Variants in GPC6 observed in about 807,000 individuals in gnomAD.
GPC6 encodes the protein glypican-6.
In GPC6, 14 loss-of-function variants were observed where a neutral mutation model predicts 55.2. That is an observed-to-expected ratio of 0.25 (90% CI 0.17 to 0.40). The LOEUF (loss-of-function observed/expected upper bound fraction) is 0.40. GPC6 is among the 10% of genes least tolerant of loss of function. The pLI is 1.00. For synonymous variants in GPC6, 278 were observed against 259.6 expected (o/e 1.07, Z -0.68); for missense variants, 641 against 708.5 (o/e 0.90, Z 1.08).
At chr13:93,627,860 AT>A (rs1879268968) in intron 2 of GPC6, among the ~76,000 whole-genome samples, 1 of 152,244 alleles carries the variant, frequency 6.6e-6, no homozygotes, top group African/African-American at 2.4e-5. Flanking sequence ...AGTGACTATC[AT>A]TATGAAGAAA....
intron 2 of GPC6, among the ~76,000 whole-genome samples, chr13:93,576,174 G>A (rs953968529): frequency 2.0e-5 from 3 of 151,532 alleles, no homozygotes; most frequent in African/African-American, 7.3e-5. Flanking sequence ...TATAGTGAGA[G>A]AAAAGATTTA....
chr13:94,018,259 A>G (rs1882556109), intron 3 of GPC6, among the ~76,000 whole-genome samples: 1 of 151,214 alleles, frequency 6.6e-6, no homozygotes, highest in South Asian at 2.1e-4. Context: ...ACTTTCTGGG[A>G]GAAATCTCAT....
chr13:93,688,877 A>G (rs1376800281), intron 2 of GPC6, among the ~76,000 whole-genome samples: 1 of 152,190 alleles, frequency 6.6e-6, no homozygotes, highest in Admixed American at 6.6e-5. Flanking sequence ...GAATATGTCT[A>G]ATGCCATTGA....
chr13:93,594,676 G>A (rs1047234852), intron 2 of GPC6, among the ~76,000 whole-genome samples: 1 of 151,870 alleles, frequency 6.6e-6, no homozygotes, highest in Non-Finnish European at 1.5e-5. Context: ...CATAATTTGG[G>A]TAGTATATAA....
intron 3 of GPC6, among the ~76,000 whole-genome samples, chr13:93,902,591 A>T (rs766303999): frequency 6.6e-6 from 1 of 152,150 alleles, no homozygotes; most frequent in Non-Finnish European, 1.5e-5. Context: ...TTGCTGGATC[A>T]TACGGTAATT....
intron 1 of GPC6, among the ~76,000 whole-genome samples, chr13:93,265,590 T>A (rs1877294336): frequency 6.6e-6 from 1 of 152,180 alleles, no homozygotes. Context: ...TCATTAAGCA[T>A]ATGCAAATAT....
At chr13:93,417,992 A>G (rs1237722545) in intron 1 of GPC6, among the ~76,000 whole-genome samples, 2 of 152,096 alleles carry the variant, frequency 1.3e-5, no homozygotes, top group African/African-American at 4.8e-5. Flanking sequence ...CTTTATAAGA[A>G]TCGATACTTT....
At chr13:93,499,642 A>G (rs1880449793) in intron 1 of GPC6, among the ~76,000 whole-genome samples, 1 of 152,192 alleles carries the variant, frequency 6.6e-6, no homozygotes, top group Admixed American at 6.5e-5. Flanking sequence ...GAAAATCTGG[A>G]CAAAGTTAGG....
chr13:93,274,105 T>G (rs1000036028), intron 1 of GPC6, among the ~76,000 whole-genome samples: 121 of 152,178 alleles, frequency 8.0e-4, no homozygotes, highest in Non-Finnish European at 1.0e-4. Context: ...ATTGCCTCAT[T>G]TTTTAAGGGA....
At chr13:94,274,624 A>G (rs1004584305) in intron 4 of GPC6, among the ~76,000 whole-genome samples, 10 of 152,214 alleles carry the variant, frequency 6.6e-5, no homozygotes, top group African/African-American at 2.2e-4. Flanking sequence ...CTGAATGTGG[A>G]CAAATTACAA....
upstream of GPC6, among the ~76,000 whole-genome samples, chr13:93,225,519 T>G (rs9556272): frequency 0.29 from 44,707 of 151,710 alleles, 6,712 homozygotes; most frequent in East Asian, 0.38. Flanking sequence ...TTTTTTTTTT[T>G]TTTGGTTTTG....
At chr13:93,924,638 A>G (rs1877754283) in intron 3 of GPC6, among the ~76,000 whole-genome samples, 1 of 150,558 alleles carries the variant, frequency 6.6e-6, no homozygotes, top group Non-Finnish European at 1.5e-5. Context: ...ACCTTCTTTG[A>G]CTTCGGTTAA....
At chr13:93,616,592 C>T (rs192480639) in intron 2 of GPC6, among the ~76,000 whole-genome samples, 2 of 152,158 alleles carry the variant, frequency 1.3e-5, no homozygotes, top group Admixed American at 1.3e-4. Flanking sequence ...AGAAAAACTC[C>T]TTCCTGTTAA....
intron 4 of GPC6, among the ~76,000 whole-genome samples, chr13:94,141,830 C>T (rs901683219): frequency 4.6e-5 from 7 of 152,160 alleles, no homozygotes; most frequent in African/African-American, 1.7e-4. Context: ...GTTCAATGCA[C>T]TCACTGAATA....
intron 2 of GPC6, among the ~76,000 whole-genome samples, chr13:93,696,260 A>C (rs952197244): frequency 5.3e-5 from 8 of 152,086 alleles, no homozygotes; most frequent in African/African-American, 1.9e-4. Flanking sequence ...AACTGATGTA[A>C]ATTTTCTCCT....
At chr13:93,629,902 A>G (rs1408684942) in intron 2 of GPC6, among the ~76,000 whole-genome samples, 3 of 152,224 alleles carry the variant, frequency 2.0e-5, no homozygotes, top group African/African-American at 7.2e-5. Context: ...AAGCATAATT[A>G]TCTTCCACTG....
At chr13:93,223,040 T>TTTTTC (rs1555335541), upstream of GPC6, among the ~76,000 whole-genome samples, 3 of 148,752 alleles carry the variant, frequency 2.0e-5, 1 homozygote, top group East Asian at 2.0e-4. Context: ...TTTTTTTTTT[T>TTTTTC]CAGAAATCTC....
At chr13:93,611,962 T>G (rs1448726254) in intron 2 of GPC6, among the ~76,000 whole-genome samples, 1 of 152,166 alleles carries the variant, frequency 6.6e-6, no homozygotes, top group Non-Finnish European at 1.5e-5. Flanking sequence ...TCATTGTCTT[T>G]AAAGGTGACA....
chr13:93,955,099 A>G (rs1879441058), intron 3 of GPC6, among the ~76,000 whole-genome samples: 1 of 152,092 alleles, frequency 6.6e-6, no homozygotes, highest in Admixed American at 6.6e-5. Flanking sequence ...CAAGGGATGA[A>G]TGGTGGCAGG....
Sources: gnomAD v4.1 joint callset for allele counts (sites outside exome capture counted in the v4.1 genomes callset) on GRCh38, gnomAD v4.1.1 for gene constraint, MANE v1.5 for transcripts, NCBI Gene and HGNC (gene_info 2026-07-23, HGNC 2026-07-21) for gene names.